The following PCDHA8 variants were observed in gnomAD, a reference collection of about 807,000 sequenced individuals.
PCDHA8 encodes protocadherin alpha 8.
PCDHA8 carries 53 observed loss-of-function variants against 61.8 expected under a neutral mutation model. That is an observed-to-expected ratio of 0.86 (90% CI 0.69 to 1.08). PCDHA8 has a LOEUF of 1.08. Among genes scored for constraint, PCDHA8 ranks in the 50% least tolerant of loss-of-function variants. The pLI is 0.00. For missense variants in PCDHA8, 1,293 were observed against 1,245.0 expected (o/e 1.04, Z -0.58); for synonymous variants, 618 against 556.6 (o/e 1.11, Z -1.55).
chr5:140,927,093 G>T (rs781998184), intron 1 of PCDHA8: 1 of 1,612,818 alleles, frequency 6.2e-7, no homozygotes, highest in Non-Finnish European at 8.5e-7. Flanking sequence ...TCTACTTCGG[G>T]GTGGATCTAC....
At chr5:140,882,566 G>C in intron 1 of PCDHA8, 2 of 1,614,252 alleles carry the variant, frequency 1.2e-6, no homozygotes, top group Non-Finnish European at 8.5e-7. Flanking sequence ...TGGGCGGAGC[G>C]CGGAGTGCAG....
At chr5:140,968,401 C>T (rs1554230667) in intron 1 of PCDHA8, 1 of 1,613,984 alleles carries the variant, frequency 6.2e-7, no homozygotes, top group South Asian at 1.1e-5. Context: ...TTCGGGAGTT[C>T]TTTGTGACTG....
At chr5:140,942,382 A>C (rs1341028342) in intron 1 of PCDHA8, among the ~76,000 whole-genome samples, 2 of 152,102 alleles carry the variant, frequency 1.3e-5, no homozygotes, top group African/African-American at 4.8e-5. Context: ...ACTGCATTCC[A>C]GCCTGGGCGA....
At position 140,857,142 on chromosome 5, in the gene PCDHA8, G is replaced by A. The variant is rs782455438; in HGVS notation, c.2394+13427G>A. On this transcript the variant is annotated intron_variant, in intron 1 of 3. Transcript: ENST00000531613. ...CCAGTGAAAGAAGATGCTCAAGTGGGCACCGTCATTGCCCTAATCAGCGTT... is the reference window on the plus strand; with the variant it reads ...CCAGTGAAAGAAGATGCTCAAGTGGACACCGTCATTGCCCTAATCAGCGTT... 4 of 1,598,268 alleles carry A rather than the reference G, an allele frequency of 2.5e-6. No homozygotes were observed. The highest frequency in any genetic ancestry group is 3.4e-5 in the Admixed American group (2 of 59,268).
chr5:140,862,306 C>G (rs184682479), intron 1 of PCDHA8: 1 of 279,556 alleles, frequency 3.6e-6, no homozygotes, highest in East Asian at 8.6e-5. Context: ...CACTGGGTAC[C>G]GTCATAGCCC....
intron 1 of PCDHA8, chr5:140,969,258 A>G (rs782513796): frequency 9.3e-6 from 15 of 1,614,106 alleles, no homozygotes; most frequent in Admixed American, 8.3e-5. Context: ...GACAGCAGGA[A>G]TCTCACAGGC....
At chr5:140,953,284 T>G (rs2094869714) in intron 1 of PCDHA8, among the ~76,000 whole-genome samples, 1 of 152,160 alleles carries the variant, frequency 6.6e-6, no homozygotes, top group Admixed American at 6.5e-5. Flanking sequence ...TCTTTATATG[T>G]GATTCAGGGA....
Position 141,000,361 on chromosome 5 carries a change from G to GTCTCTCTC in PCDHA8, c.2543-9238_2543-9231dup, listed in dbSNP as rs148596731. 4.9e-4 allele frequency among the ~76,000 whole-genome samples: 13 copies of GTCTCTCTC among 26,444 alleles called. No individual in the cohort carries two copies. In the East Asian group the frequency reaches 6.3e-3, roughly 13 times the overall value. The allele number at this position is 26,444 out of a possible 152,430, so 17.3% of individuals were successfully genotyped here. A position where few individuals can be genotyped will look rare whatever the true frequency, so the allele number is the denominator to read the frequency against. ...CCTATCTCTCTCTCTGTCTCTCTCT[G>GTCTCTCTC]TCTCTCTCTCTCTCTCTCTCTCTCT... is the stretch of plus-strand genomic sequence containing the variant. On this transcript the variant is annotated intron_variant, in intron 3 of 3. Coordinates refer to ENST00000531613, the MANE Select transcript of PCDHA8 (RefSeq NM_018911.3).
intron 3 of PCDHA8, among the ~76,000 whole-genome samples, chr5:140,986,748 A>G (rs2097211627): frequency 6.6e-6 from 1 of 152,220 alleles, no homozygotes; most frequent in Non-Finnish European, 1.5e-5. Flanking sequence ...GGGATCTGGG[A>G]CTAAACAGTG....
chr5:140,860,413 C>T (rs2046383451), intron 1 of PCDHA8: 1 of 152,018 alleles, frequency 6.6e-6, no homozygotes, highest in African/African-American at 2.4e-5. Context: ...AATAGTAACA[C>T]CATTATCCTG....
In PCDHA8 at chr5:140,922,223, C is replaced by T. The variant is rs115262412; in HGVS notation, c.2395-56726C>T. 8.0e-3 allele frequency among the ~76,000 whole-genome samples: 1,216 copies of T among 152,128 alleles called. 6 individuals are homozygous for T. Among genetic ancestry groups the T allele is most frequent in the African/African-American group, 0.019 (784 of 41,508 alleles). ...ATGAAACTTTGTAAAACATTTGAAC[C>T]TCAACCATGATGTGTATGAAGATAA... On this transcript the variant is annotated intron_variant, in intron 1 of 3. Transcript: ENST00000531613.
At chr5:140,969,251 A>T in intron 1 of PCDHA8, 3 of 1,614,262 alleles carry the variant, frequency 1.9e-6, no homozygotes, top group Non-Finnish European at 2.5e-6. Context: ...AGTGACTGAC[A>T]GCAGGAATCT....
intron 1 of PCDHA8, chr5:140,870,360 C>T (rs1562642999): frequency 6.2e-7 from 1 of 1,614,166 alleles, no homozygotes; most frequent in Non-Finnish European, 8.5e-7. Context: ...ACGTGTGGGC[C>T]TATGAACTGG....
chr5:140,953,873 A>G (rs537538688), intron 1 of PCDHA8, among the ~76,000 whole-genome samples: 53 of 152,258 alleles, frequency 3.5e-4, no homozygotes, highest in African/African-American at 1.3e-3. Context: ...TGCTGCACAG[A>G]TCAACCCATC....
chr5:140,856,851 C>T (rs140022509), intron 1 of PCDHA8: 4 of 1,593,160 alleles, frequency 2.5e-6, no homozygotes, highest in Admixed American at 1.7e-5. Context: ...GCTTCTGATT[C>T]GGATGAAGGA....
Position 140,846,464 on chromosome 5 carries a change from T to G in PCDHA8, c.2394+2749T>G, listed in dbSNP as rs2150391195. Among the ~76,000 whole-genome samples, 4 of 138,432 alleles carry G rather than the reference T, an allele frequency of 2.9e-5. No homozygotes were observed. In the South Asian group the frequency reaches 1.0e-3, roughly 35 times the overall value. The allele number at this position is 138,432 out of a possible 152,430, so 90.8% of individuals were successfully genotyped here. On this transcript the variant is annotated intron_variant, in intron 1 of 3. Transcript: ENST00000531613. ...ATCTCGGCTCACTGCAACCTCTGCC[T>G]CCCGGGTTCAAATGATTCTCCTTCC...
At chr5:140,958,759 A>G (rs1254935099) in intron 1 of PCDHA8, among the ~76,000 whole-genome samples, 2 of 152,112 alleles carry the variant, frequency 1.3e-5, no homozygotes, top group African/African-American at 4.8e-5. Flanking sequence ...ATTTTTACCC[A>G]TTTCTGTTTG....
At position 140,841,487 on chromosome 5, in the gene PCDHA8, C is replaced by G. The variant is rs2150316541; in HGVS notation, c.166C>G (p.Leu56Val). The G allele has an allele frequency of 6.2e-7, 1 of 1,613,022 alleles. No homozygotes were observed. Among genetic ancestry groups the G allele is most frequent in the Non-Finnish European group, 8.5e-7 (1 of 1,179,924 alleles). The change falls in exon 1 of 4, where the codon CTG becomes GTG. Residue 56 changes from leucine (L) to valine (V), a missense_variant. Transcript: ENST00000531613. ...GATCGCGCAGGACCTGGGGCTGGAG[C>G]TGGCGGAGCTGGTGCCGCGCCTGTT... ...GRIAQDLGLE[L>V]AELVPRLFRV...
intron 1 of PCDHA8, among the ~76,000 whole-genome samples, chr5:140,921,599 G>A (rs2080288942): frequency 6.6e-6 from 1 of 152,036 alleles, no homozygotes; most frequent in African/African-American, 2.4e-5. Flanking sequence ...GGTTTCAAAG[G>A]TAATAAGAAA....
Sources: gnomAD v4.1 joint callset for allele counts (sites outside exome capture counted in the v4.1 genomes callset) on GRCh38, gnomAD v4.1.1 for gene constraint, MANE v1.5 for transcripts, NCBI Gene and HGNC (gene_info 2026-07-23, HGNC 2026-07-21) for gene names.